The following SLC22A4 variants were observed in gnomAD, a reference collection of about 807,000 sequenced individuals.
SLC22A4 encodes the protein ET transporter.
In SLC22A4, 39 loss-of-function variants were observed where a neutral mutation model predicts 56.6. The observed-to-expected ratio is 0.69, with a 90% CI of 0.53 to 0.90. The LOEUF is 0.90. SLC22A4 is among the 40% of genes least tolerant of loss of function. The pLI is 0.00. For synonymous variants in SLC22A4, 241 were observed against 281.4 expected (o/e 0.86, Z 1.44); for missense variants, 594 against 696.5 (o/e 0.85, Z 1.66).
chr5:132,302,805 C>G (rs1749934936), intron 1 of SLC22A4, among the ~76,000 whole-genome samples: 1 of 152,248 alleles, frequency 6.6e-6, no homozygotes, highest in South Asian at 2.1e-4. Flanking sequence ...AGCCCCTCCA[C>G]TCCCATCCCT....
At chr5:132,337,269 C>CTAATTCT (rs777986858) in intron 8 of SLC22A4, among the ~76,000 whole-genome samples, 12 of 48,238 alleles carry the variant, frequency 2.5e-4, no homozygotes, top group Non-Finnish European at 2.8e-4. Context: ...TAAAGATTAC[C>CTAATTCT]TTTTTTTTTT....
chr5:132,325,345 C>G (rs1750660964), intron 4 of SLC22A4, among the ~76,000 whole-genome samples: 1 of 152,186 alleles, frequency 6.6e-6, no homozygotes. Context: ...TTCAATCACA[C>G]TAGCTCAATA....
intron 2 of SLC22A4, 141 bp downstream of exon 2, chr5:132,312,405 C>A: frequency 1.4e-6 from 1 of 690,316 alleles, no homozygotes. Flanking sequence ...AGGAGGAGCC[C>A]CGATGTCTCC....
chr5:132,325,953 A>C (rs1750676339), intron 4 of SLC22A4, among the ~76,000 whole-genome samples: 1 of 152,238 alleles, frequency 6.6e-6, no homozygotes, highest in South Asian at 2.1e-4. Context: ...CCAATGACCC[A>C]AAAATTACTA....
chr5:132,337,832 T>A (rs1580848845), intron 8 of SLC22A4, among the ~76,000 whole-genome samples: 1 of 151,294 alleles, frequency 6.6e-6, no homozygotes, highest in East Asian at 1.9e-4. Flanking sequence ...GCCGCCTGGG[T>A]TCAATCAATT....
chr5:132,300,559 CTT>C (rs1221226098), intron 1 of SLC22A4, among the ~76,000 whole-genome samples: 5 of 152,224 alleles, frequency 3.3e-5, no homozygotes, highest in Admixed American at 1.3e-4. Context: ...CAATTGTTAA[CTT>C]ATATCAGTAC....
At chr5:132,309,819 T>A in intron 1 of SLC22A4, among the ~76,000 whole-genome samples, 1 of 152,288 alleles carries the variant, frequency 6.6e-6, no homozygotes, top group Non-Finnish European at 1.5e-5. Flanking sequence ...AATGCCTGGC[T>A]CCACATCTAA....
chr5:132,306,540 G>A (rs1343890125), intron 1 of SLC22A4, among the ~76,000 whole-genome samples: 2 of 148,816 alleles, frequency 1.3e-5, no homozygotes, highest in East Asian at 3.9e-4. Flanking sequence ...TCCACCTCCA[G>A]GCTCAAGCAA....
chr5:132,313,757 C>T lies in SLC22A4; in HGVS notation c.641C>T (p.Ala214Val), dbSNP rs773512581. 6 of 1,614,142 alleles carry T rather than the reference C, an allele frequency of 3.7e-6. No individual in the cohort carries two copies. The highest frequency in any genetic ancestry group is 2.5e-6 in the Non-Finnish European group (3 of 1,179,996). Reference protein sequence around the residue: ...GMGQISNYVVAFILGTEILGK... With the variant: ...GMGQISNYVVVFILGTEILGK... ...GGCCAGATCTCCAACTATGTGGTAG[C>T]CTTCATACTAGGTAGGAATGGCTTC... Residue 214 changes from alanine to valine, a missense_variant, in exon 3 of 10, where the codon GCC (alanine) becomes GTC (valine). Coordinates refer to ENST00000200652, the MANE Select transcript of SLC22A4 (RefSeq NM_003059.3).
At chr5:132,332,338 G>C (rs1326682504) in intron 6 of SLC22A4, 1 of 182,154 alleles carries the variant, frequency 5.5e-6, no homozygotes, top group East Asian at 1.4e-4. Flanking sequence ...ACAGGGTACA[G>C]TATTTAAGTC....
At chr5:132,337,612 G>GA (rs1751065989) in intron 8 of SLC22A4, among the ~76,000 whole-genome samples, 1 of 151,598 alleles carries the variant, frequency 6.6e-6, no homozygotes, top group Admixed American at 6.6e-5. Context: ...TCTGTTATGT[G>GA]AAAAATGGAT....
chr5:132,299,395 T>TG (rs1200485764), intron 1 of SLC22A4, among the ~76,000 whole-genome samples: 22 of 1,882 alleles, frequency 0.012, no homozygotes, highest in African/African-American at 0.038. Context: ...TTATTTTTCG[T>TG]TTTATTTTAT....
Position 132,295,108 on chromosome 5 carries a change from C to T in SLC22A4, c.393+99C>T. On this transcript the variant is annotated intron_variant, in intron 1 of 9. Coordinates refer to ENST00000200652, the MANE Select transcript of SLC22A4 (RefSeq NM_003059.3). Reference sequence around the variant, plus strand: ...CTGCGCAGTGCCCGGGTCAGCGCTCCCCTCCCCCTCAAACCTGCTGTTCAT... The same window carrying T: ...CTGCGCAGTGCCCGGGTCAGCGCTCTCCTCCCCCTCAAACCTGCTGTTCAT... 4 of 1,322,062 alleles carry T rather than the reference C, an allele frequency of 3.0e-6. No homozygotes were observed. In the South Asian group the frequency reaches 3.8e-5, roughly 13 times the overall value. The allele number at this position is 1,322,062 out of a possible 1,614,324, so 81.9% of individuals were successfully genotyped here. A position where few individuals can be genotyped will look rare whatever the true frequency, so the allele number is the denominator to read the frequency against.
chr5:132,306,033 A>G (rs78721012), intron 1 of SLC22A4, among the ~76,000 whole-genome samples: 11,712 of 152,144 alleles, frequency 0.077, 597 homozygotes, highest in South Asian at 0.15. Context: ...ACAATGAGAT[A>G]CCTCTTTACA....
At chr5:132,295,366 T>C in intron 1 of SLC22A4, 3 of 511,086 alleles carry the variant, frequency 5.9e-6, no homozygotes, top group Middle Eastern at 3.0e-4. Flanking sequence ...CTGCCAGGCA[T>C]GGGAGGAGGG....
At chr5:132,318,587 C>T (rs1057369080) in intron 3 of SLC22A4, among the ~76,000 whole-genome samples, 5 of 152,084 alleles carry the variant, frequency 3.3e-5, no homozygotes, top group African/African-American at 7.2e-5. Context: ...ATGGGCCCAG[C>T]GGTTCCTGGG....
Position 132,331,859 on chromosome 5 carries a change from T to C in SLC22A4, c.1046+9T>C. 6.5e-7 allele frequency: 1 copy of C among 1,546,752 alleles called. No homozygotes were observed. Among genetic ancestry groups the C allele is most frequent in the Non-Finnish European group, 8.9e-7 (1 of 1,118,416 alleles). ...ATGTCTTTGCTGCTATGGTAAGTAA[T>C]AAGTGACCTGGAAATGCAGATATCC... On this transcript the variant is annotated intron_variant, in intron 6 of 9. Coordinates refer to ENST00000200652, the MANE Select transcript of SLC22A4 (RefSeq NM_003059.3).
At chr5:132,306,582 A>G (rs940398061) in intron 1 of SLC22A4, among the ~76,000 whole-genome samples, 4 of 150,424 alleles carry the variant, frequency 2.7e-5, no homozygotes, top group Admixed American at 2.0e-4. Flanking sequence ...AGTAGCTGGG[A>G]TTACAGGCAC....
intron 1 of SLC22A4, chr5:132,311,719 C>T (rs1013161639): frequency 6.5e-5 from 13 of 199,060 alleles, no homozygotes; most frequent in East Asian, 1.2e-4. Context: ...AGAAATTTTA[C>T]GCCTGGACCA....
Sources: gnomAD v4.1 joint callset for allele counts (sites outside exome capture counted in the v4.1 genomes callset) on GRCh38, gnomAD v4.1.1 for gene constraint, MANE v1.5 for transcripts, NCBI Gene and HGNC (gene_info 2026-07-23, HGNC 2026-07-21) for gene names.